The following C2orf76 variants were observed in gnomAD, a reference collection of about 807,000 sequenced individuals.
C2orf76 encodes chromosome 2 open reading frame 76, also known as UPF0538 protein C2orf76.
In C2orf76, 23 loss-of-function variants were observed where a neutral mutation model predicts 16.9. That is an observed-to-expected ratio of 1.36 (90% CI 0.98 to 1.93). The LOEUF is 1.93. Among genes scored for constraint, C2orf76 ranks in the 30% most tolerant of loss-of-function variants. The probability of loss-of-function intolerance (pLI) is 0.00; values close to 1 mark genes in which losing one functional copy is unlikely to be tolerated. For synonymous variants in C2orf76, 48 were observed against 52.3 expected, an observed-to-expected ratio of 0.92 and a Z score of 0.35; for missense variants, 152 against 152.6, an observed-to-expected ratio of 1.00 and a Z score of 0.02.
chr2:119,347,571 A>G (rs1253285583), intron 1 of C2orf76, among the ~76,000 whole-genome samples: 2 of 152,166 alleles, frequency 1.3e-5, no homozygotes, highest in South Asian at 2.1e-4. Context: ...AGAAGCGTAG[A>G]TTAAAAAAAG....
chr2:119,311,620 A>AC lies in C2orf76; in HGVS notation c.304+1dup. 6.2e-7 allele frequency: 1 copy of AC among 1,612,310 alleles called. No individual in the cohort carries two copies. Among genetic ancestry groups the AC allele is most frequent in the East Asian group, 2.2e-5 (1 of 44,822 alleles). On this transcript the variant is annotated splice_donor_variant, in intron 5 of 5. Transcript: ENST00000334816. LOFTEE classifies it high-confidence loss of function. ...CCAGCAACACAAGGCCCCCTTCCTC[A>AC]CCGATTCCAGCTGCTTTCAGAGTGC...
At chr2:119,317,317 G>T in intron 4 of C2orf76, 149 bp downstream of exon 4, 1 of 473,562 alleles carries the variant, frequency 2.1e-6, no homozygotes, top group Non-Finnish European at 3.5e-6. Flanking sequence ...CAATGAAAAA[G>T]CTAAGGCAGT....
chr2:119,355,702 G>A (rs1680548989), intron 1 of C2orf76, among the ~76,000 whole-genome samples: 1 of 152,102 alleles, frequency 6.6e-6, no homozygotes, highest in Admixed American at 6.5e-5. Flanking sequence ...AATGCCTGAT[G>A]ATCTCAGATG....
chr2:119,325,422 T>C (rs1399121458), intron 2 of C2orf76, among the ~76,000 whole-genome samples: 3 of 140,414 alleles, frequency 2.1e-5, no homozygotes, highest in African/African-American at 8.2e-5. Context: ...ATCTTGCCAT[T>C]GTACTCCAGC....
chr2:119,346,914 G>A (rs1287266714), intron 1 of C2orf76, among the ~76,000 whole-genome samples: 2 of 152,162 alleles, frequency 1.3e-5, no homozygotes, highest in Non-Finnish European at 2.9e-5. Context: ...GTTGCCAATG[G>A]GGGAAAGTGG....
chr2:119,289,638 A>G, the C2orf76 span, among the ~76,000 whole-genome samples: 7 of 151,626 alleles, frequency 4.6e-5, no homozygotes, highest in South Asian at 2.1e-4. Context: ...GTGAGCCGAG[A>G]TCGTACCACT....
the C2orf76 span, among the ~76,000 whole-genome samples, chr2:119,296,703 G>A: frequency 5.9e-5 from 9 of 152,194 alleles, no homozygotes; most frequent in Non-Finnish European, 8.8e-5. Context: ...AAGAAAACCC[G>A]TTTGCTACGG....
At chr2:119,330,657 C>G (rs562793048) in intron 2 of C2orf76, among the ~76,000 whole-genome samples, 23 of 151,970 alleles carry the variant, frequency 1.5e-4, no homozygotes, top group Non-Finnish European at 3.4e-4. Context: ...TCTTCTGTCC[C>G]CCGTCCCTCT....
At chr2:119,325,965 C>CT (rs1679498254) in intron 2 of C2orf76, among the ~76,000 whole-genome samples, 1 of 152,038 alleles carries the variant, frequency 6.6e-6, no homozygotes, top group Non-Finnish European at 1.5e-5. Context: ...TCTTATTATT[C>CT]TAGATAATAG....
At chr2:119,339,787 A>G (rs1295965013) in intron 2 of C2orf76, 40 bp downstream of exon 2, 1 of 1,545,852 alleles carries the variant, frequency 6.5e-7, no homozygotes, top group African/African-American at 1.4e-5. Context: ...GCTATTTTTA[A>G]AAACTACTAG....
Position 119,364,109 on chromosome 2 carries a change from G to C in C2orf76, c.-13+2681C>G, listed in dbSNP as rs574397876. On this transcript the variant is annotated intron_variant, in intron 1 of 5. Transcript: ENST00000334816. ...GGGAGAGAGAGGTAGGGCAGAGAGA[G>C]AGGGAGAGGAGAGAGGAGAGAGAAG... Among the ~76,000 whole-genome samples the C allele has an allele frequency of 4.6e-5, 7 of 152,218 alleles. No homozygotes were observed. In the South Asian group the frequency reaches 1.5e-3, roughly 32 times the overall value.
chr2:119,357,164 A>AC (rs1480360700), intron 1 of C2orf76, among the ~76,000 whole-genome samples: 1 of 151,988 alleles, frequency 6.6e-6, no homozygotes, highest in Non-Finnish European at 1.5e-5. Context: ...ATTGTACACA[A>AC]CCTCTTTCAG....
intron 1 of C2orf76, among the ~76,000 whole-genome samples, chr2:119,363,884 G>A (rs1680832663): frequency 6.6e-6 from 1 of 152,038 alleles, no homozygotes; most frequent in African/African-American, 2.4e-5. Context: ...CAGGCATGGT[G>A]GCACACACCT....
chr2:119,299,685 ATACTC>A (rs1678587459), downstream of C2orf76, among the ~76,000 whole-genome samples: 1 of 152,158 alleles, frequency 6.6e-6, no homozygotes, highest in Non-Finnish European at 1.5e-5. Flanking sequence ...ATAAGTGAAA[ATACTC>A]TATATGTACC....
intron 3 of C2orf76, among the ~76,000 whole-genome samples, chr2:119,320,545 A>G (rs1679310342): frequency 6.6e-6 from 1 of 152,304 alleles, no homozygotes; most frequent in Middle Eastern, 3.4e-3. Flanking sequence ...ATTTTAGGTC[A>G]TAAGTTGTTC....
intron 2 of C2orf76, among the ~76,000 whole-genome samples, chr2:119,321,662 A>C (rs1241940496): frequency 6.6e-6 from 1 of 152,186 alleles, no homozygotes; most frequent in Non-Finnish European, 1.5e-5. Flanking sequence ...GGGAGCTACA[A>C]TGCAAGATGA....
At chr2:119,305,380 T>C (rs1039501927) in intron 5 of C2orf76, among the ~76,000 whole-genome samples, 9 of 152,198 alleles carry the variant, frequency 5.9e-5, no homozygotes, top group African/African-American at 1.9e-4. Context: ...ATTTTAAGTA[T>C]AAAATCCCAA....
intron 5 of C2orf76, among the ~76,000 whole-genome samples, chr2:119,305,843 T>C (rs561970767): frequency 2.0e-4 from 30 of 152,122 alleles, no homozygotes; most frequent in African/African-American, 6.0e-4. Flanking sequence ...GTGCCTTTTA[T>C]TTCATGACTT....
chr2:119,363,077 A>G (rs1384330821), intron 1 of C2orf76, among the ~76,000 whole-genome samples: 6 of 149,614 alleles, frequency 4.0e-5, no homozygotes, highest in Non-Finnish European at 8.9e-5. Context: ...AACTCCACCC[A>G]TACCTCCCCA....
Sources: allele counts gnomAD v4.1 joint callset (sites outside exome capture counted in the v4.1 genomes callset), GRCh38; gene constraint gnomAD v4.1.1; transcripts MANE v1.5; gene names NCBI Gene and HGNC (gene_info 2026-07-23, HGNC 2026-07-21).